SDK1: variants seen among roughly 807,000 people sequenced by gnomAD.
The protein encoded by SDK1 is sidekick cell adhesion molecule 1, also known as protein sidekick-1.
SDK1 carries 157 observed loss-of-function variants against 245.5 expected under a neutral mutation model. That is an observed-to-expected ratio of 0.64 (90% confidence interval 0.56 to 0.73). The LOEUF (loss-of-function observed/expected upper bound fraction) is 0.73. Among genes scored for constraint, SDK1 ranks in the 30% least tolerant of loss-of-function variants. SDK1 has a pLI of 0.00. For synonymous variants in SDK1, 1,647 were observed against 1,278.5 expected (o/e 1.29, Z -6.15); for missense variants, 3,583 against 3,002.3 (o/e 1.19, Z -4.52).
rs4588750 is a variant in SDK1, at chr7:3,363,417, C to T, written c.298+61533C>T. ...ATGTTTCGGTGGTTACAAATAAAGT[C>T]GCTATAAACATTTGTCTATAGATTT... On this transcript the variant is annotated intron_variant, in intron 1 of 44. Transcript: ENST00000404826. Among the ~76,000 whole-genome samples, 1,133 of 151,814 alleles carry T rather than the reference C, an allele frequency of 7.5e-3. 17 individuals carry two copies. The highest frequency in any genetic ancestry group is 0.026 in the African/African-American group (1,068 of 41,322).
chr7:3,493,731 T>G (rs1781936075), intron 1 of SDK1, among the ~76,000 whole-genome samples: 1 of 152,236 alleles, frequency 6.6e-6, no homozygotes, highest in East Asian at 1.9e-4. Context: ...TAACTCACAA[T>G]TACTGCATTT....
intron 1 of SDK1, among the ~76,000 whole-genome samples, chr7:3,597,088 G>A (rs1290014674): frequency 2.0e-5 from 3 of 151,884 alleles, no homozygotes; most frequent in African/African-American, 4.8e-5. Flanking sequence ...GGCTAACACG[G>A]TGAAACCCTG....
intron 29 of SDK1, among the ~76,000 whole-genome samples, chr7:4,146,727 G>T (rs1308855444): frequency 6.6e-6 from 1 of 152,230 alleles, no homozygotes; most frequent in Non-Finnish European, 1.5e-5. Flanking sequence ...CCTTCCCAAT[G>T]AGAACTGCCG....
rs73673651 is a variant in SDK1, at chr7:3,619,832, G to A, written c.458+593G>A. 8.5e-3 allele frequency among the ~76,000 whole-genome samples: 1,298 copies of A among 152,276 alleles called. 15 individuals carry two copies. Among genetic ancestry groups the A allele is most frequent in the African/African-American group, 0.029 (1,212 of 41,562 alleles). Reference sequence around the variant, plus strand: ...GGGTGGACATGATGTGGGGACAGAGGGCCTGAACCTGTGGCAGAGCACAAG... The same window carrying A: ...GGGTGGACATGATGTGGGGACAGAGAGCCTGAACCTGTGGCAGAGCACAAG... On this transcript the variant is annotated intron_variant, in intron 2 of 44. Transcript: ENST00000404826.
rs1211480163 is a variant in SDK1, at chr7:3,800,705, T to A, written c.714-20745T>A. 3.3e-5 allele frequency among the ~76,000 whole-genome samples: 5 copies of A among 152,174 alleles called. 1 individual carries two copies. The highest frequency in any genetic ancestry group is 1.2e-4 in the African/African-American group (5 of 41,446). On this transcript the variant is annotated intron_variant, in intron 4 of 44. Transcript: ENST00000404826. ...ATTTTTTTAAAGTCAAGTACTGTTT[T>A]CTCTGCCATCACATACCAAATGATT...
intron 41 of SDK1, among the ~76,000 whole-genome samples, chr7:4,235,364 C>T (rs948178936): frequency 1.3e-5 from 2 of 152,076 alleles, no homozygotes; most frequent in Admixed American, 6.5e-5. Context: ...GGGTTTCACC[C>T]TGTTGGCCAG....
chr7:3,947,530 T>TTGTGTGTGTGTG (rs745830597), intron 5 of SDK1, among the ~76,000 whole-genome samples: 75 of 140,452 alleles, frequency 5.3e-4, no homozygotes, highest in African/African-American at 1.4e-3. Context: ...AAGTATTTGC[T>TTGTGTGTGTGTG]TGTGTGTGTG....
chr7:3,392,821 T>G (rs1781792545), intron 1 of SDK1, among the ~76,000 whole-genome samples: 1 of 152,166 alleles, frequency 6.6e-6, no homozygotes, highest in African/African-American at 2.4e-5. Context: ...ATAATAATAT[T>G]CCAGTGTATG....
intron 1 of SDK1, among the ~76,000 whole-genome samples, chr7:3,558,584 C>T (rs1015498117): frequency 6.6e-6 from 1 of 152,162 alleles, no homozygotes; most frequent in African/African-American, 2.4e-5. Flanking sequence ...GAGGTTATTG[C>T]TCTGTGAAGG....
chr7:4,112,436 T>C (rs980052903), intron 23 of SDK1, among the ~76,000 whole-genome samples: 1 of 152,176 alleles, frequency 6.6e-6, no homozygotes, highest in Non-Finnish European at 1.5e-5. Context: ...GTTCAAGATA[T>C]TTTCCTTTCA....
intron 1 of SDK1, among the ~76,000 whole-genome samples, chr7:3,433,982 A>G (rs1413143519): frequency 6.6e-6 from 1 of 152,230 alleles, no homozygotes; most frequent in Non-Finnish European, 1.5e-5. Context: ...TGCATTAAGA[A>G]GGAAGTGTTA....
intron 1 of SDK1, among the ~76,000 whole-genome samples, chr7:3,419,945 G>GT (rs1779491806): frequency 6.6e-6 from 1 of 152,178 alleles, no homozygotes. Flanking sequence ...CGTTAGAGAT[G>GT]TACCAGTGGC....
intron 1 of SDK1, among the ~76,000 whole-genome samples, chr7:3,583,521 A>G (rs1364701174): frequency 1.3e-5 from 2 of 152,190 alleles, no homozygotes; most frequent in African/African-American, 2.4e-5. Context: ...GAGAGGTTGC[A>G]TCTGTCTAGT....
chr7:3,669,536 C>G (rs1384085982), intron 4 of SDK1, among the ~76,000 whole-genome samples: 1 of 152,038 alleles, frequency 6.6e-6, no homozygotes, highest in African/African-American at 2.4e-5. Context: ...ACACAACACA[C>G]TCCTGCTCAT....
At chr7:3,378,388 G>A (rs1310520091) in intron 1 of SDK1, among the ~76,000 whole-genome samples, 1 of 152,182 alleles carries the variant, frequency 6.6e-6, no homozygotes, top group Admixed American at 6.5e-5. Flanking sequence ...GTAGACATTT[G>A]TGCTCAGATG....
At chr7:4,129,750 C>G in intron 26 of SDK1, 158 bp from the exon 27 acceptor site, 2 of 1,446,356 alleles carry the variant, frequency 1.4e-6, no homozygotes, top group East Asian at 2.5e-5. Context: ...CAAATGCCAG[C>G]ATGGACAAAT....
chr7:4,130,227 AAAAC>A, intron 27 of SDK1, 130 bp downstream of exon 27: 1 of 1,086,572 alleles, frequency 9.2e-7, no homozygotes, highest in Non-Finnish European at 1.3e-6. Context: ...TGAGGGAAAC[AAAAC>A]AAAATTGTTT....
chr7:3,909,508 C>G (rs1219791219), intron 5 of SDK1, among the ~76,000 whole-genome samples: 1 of 152,206 alleles, frequency 6.6e-6, no homozygotes, highest in Non-Finnish European at 1.5e-5. Flanking sequence ...TTTTATGCTT[C>G]TGCTGATCCC....
intron 4 of SDK1, among the ~76,000 whole-genome samples, chr7:3,644,558 G>A (rs1178665756): frequency 6.6e-6 from 1 of 151,202 alleles, no homozygotes; most frequent in African/African-American, 2.4e-5. Flanking sequence ...GCAATCTGGA[G>A]TTTAAAAACA....
Sources: gnomAD v4.1 joint callset for allele counts (sites outside exome capture counted in the v4.1 genomes callset) on GRCh38, gnomAD v4.1.1 for gene constraint, MANE v1.5 for transcripts, NCBI Gene and HGNC (gene_info 2026-07-23, HGNC 2026-07-21) for gene names.